PIP4K2A: variants seen among roughly 807,000 people sequenced by gnomAD.
PIP4K2A encodes phosphatidylinositol-5-phosphate 4-kinase type 2 alpha.
A neutral mutation model predicts 42.9 loss-of-function variants in PIP4K2A; 14 were observed. The observed-to-expected ratio is 0.33, with a 90% confidence interval of 0.22 to 0.51. PIP4K2A has a LOEUF of 0.51. PIP4K2A is among the 20% of genes least tolerant of loss of function. The probability of loss-of-function intolerance (pLI) is 0.97; values close to 1 mark genes in which losing one functional copy is unlikely to be tolerated. For missense variants in PIP4K2A, 434 were observed against 519.8 expected (o/e 0.83, Z 1.61); for synonymous variants, 192 against 192.2 (o/e 1.00, Z 0.01).
At chr10:22,665,217 C>T (rs1483663169) in intron 1 of PIP4K2A, among the ~76,000 whole-genome samples, 1 of 152,198 alleles carries the variant, frequency 6.6e-6, no homozygotes, top group South Asian at 2.1e-4. Flanking sequence ...CCAAGGTGCG[C>T]AGCTTGGTTG....
intron 5 of PIP4K2A, among the ~76,000 whole-genome samples, chr10:22,570,586 G>GT (rs1564425146): frequency 6.6e-6 from 1 of 152,204 alleles, no homozygotes; most frequent in Non-Finnish European, 1.5e-5. Context: ...GACTTCAGAG[G>GT]TTAGGAGACA....
At chr10:22,666,951 A>C (rs1375646059) in intron 1 of PIP4K2A, among the ~76,000 whole-genome samples, 1 of 152,246 alleles carries the variant, frequency 6.6e-6, no homozygotes, top group Non-Finnish European at 1.5e-5. Context: ...TAAAAAGGGC[A>C]GGTGAATCTA....
At chr10:22,700,371 T>C (rs1833691256) in intron 1 of PIP4K2A, among the ~76,000 whole-genome samples, 1 of 152,242 alleles carries the variant, frequency 6.6e-6, no homozygotes, top group African/African-American at 2.4e-5. Context: ...GATTCAAATC[T>C]ATAAGGGGAC....
chr10:22,633,765 C>A (rs990140873), intron 1 of PIP4K2A, among the ~76,000 whole-genome samples: 4 of 152,208 alleles, frequency 2.6e-5, no homozygotes, highest in African/African-American at 9.7e-5. Context: ...TAAACACTCG[C>A]ATGTAGTTTT....
chr10:22,698,609 T>C (rs1337945254), intron 1 of PIP4K2A, among the ~76,000 whole-genome samples: 1 of 152,208 alleles, frequency 6.6e-6, no homozygotes, highest in Non-Finnish European at 1.5e-5. Context: ...GGAATAGCAG[T>C]TTTTGCCACT....
chr10:22,573,601 G>A (rs1157464458), intron 4 of PIP4K2A, 144 bp from the exon 5 acceptor site: 23 of 636,762 alleles, frequency 3.6e-5, no homozygotes, highest in Middle Eastern at 7.0e-4. Flanking sequence ...GACCACATTT[G>A]TACTGCTTAC....
At chr10:22,596,698 T>A (rs1837643066) in intron 3 of PIP4K2A, among the ~76,000 whole-genome samples, 1 of 152,232 alleles carries the variant, frequency 6.6e-6, no homozygotes, top group Non-Finnish European at 1.5e-5. Context: ...CATGTATAAA[T>A]AAACCTCAAA....
chr10:22,595,799 G>A (rs900066388), intron 3 of PIP4K2A, among the ~76,000 whole-genome samples: 1 of 152,194 alleles, frequency 6.6e-6, no homozygotes, highest in African/African-American at 2.4e-5. Context: ...CTTGTAGATT[G>A]CATTTAGTCT....
chr10:22,646,933 A>AAAAACAAAAC (rs760225095), intron 1 of PIP4K2A, among the ~76,000 whole-genome samples: 3 of 82,424 alleles, frequency 3.6e-5, no homozygotes, highest in African/African-American at 1.3e-4. Flanking sequence ...AAACAAAACA[A>AAAAACAAAAC]AAAACAAAAC....
chr10:22,629,222 T>C (rs11013071), intron 1 of PIP4K2A, among the ~76,000 whole-genome samples: 9,248 of 152,256 alleles, frequency 0.061, 426 homozygotes, highest in Non-Finnish European at 0.094. Flanking sequence ...ACATACACTA[T>C]TGAAACCTTA....
At chr10:22,681,108 G>A (rs1051954028) in intron 1 of PIP4K2A, among the ~76,000 whole-genome samples, 3 of 152,132 alleles carry the variant, frequency 2.0e-5, no homozygotes, top group Non-Finnish European at 4.4e-5. Flanking sequence ...TACTGCCCCA[G>A]ATTTTTTCTT....
chr10:22,614,516 C>T (rs575442541), intron 1 of PIP4K2A, among the ~76,000 whole-genome samples: 2 of 152,270 alleles, frequency 1.3e-5, no homozygotes, highest in South Asian at 4.1e-4. Flanking sequence ...TCCGGATTCC[C>T]CCCAGAAAAC....
At chr10:22,659,973 C>G (rs1264750202) in intron 1 of PIP4K2A, among the ~76,000 whole-genome samples, 1 of 152,150 alleles carries the variant, frequency 6.6e-6, no homozygotes, top group Non-Finnish European at 1.5e-5. Flanking sequence ...ACTTGTCTTG[C>G]GAAGCAGAGC....
intron 6 of PIP4K2A, among the ~76,000 whole-genome samples, chr10:22,565,680 G>A (rs931216987): frequency 3.3e-5 from 5 of 152,226 alleles, no homozygotes; most frequent in East Asian, 1.9e-4. Context: ...GAATAAGAGA[G>A]ATAACCTTAA....
At chr10:22,709,665 AC>A (rs1833882079) in intron 1 of PIP4K2A, among the ~76,000 whole-genome samples, 1 of 152,212 alleles carries the variant, frequency 6.6e-6, no homozygotes, top group African/African-American at 2.4e-5. Context: ...AAGTTTAGTA[AC>A]TGTAAGTACT....
At chr10:22,667,966 A>C (rs867410038) in intron 1 of PIP4K2A, among the ~76,000 whole-genome samples, 2 of 138,956 alleles carry the variant, frequency 1.4e-5, no homozygotes, top group South Asian at 2.3e-4. Context: ...GACAGACAGA[A>C]AGACAGACAG....
rs112894963 is a variant in PIP4K2A, at chr10:22,686,009, G to A, written c.144+28174C>T. ...TCCTCTCCCTCTCATTCCAATATTCGCCTTAAGTGAGGCAGGGATCGAGTA... is the reference window on the plus strand; with the variant it reads ...TCCTCTCCCTCTCATTCCAATATTCACCTTAAGTGAGGCAGGGATCGAGTA... On this transcript the variant is annotated intron_variant, in intron 1 of 9. Transcript: ENST00000376573. 3.0e-3 allele frequency among the ~76,000 whole-genome samples: 456 copies of A among 152,224 alleles called. 4 individuals carry two copies. Among genetic ancestry groups the A allele is most frequent in the African/African-American group, 0.01 (433 of 41,526 alleles).
chr10:22,679,496 C>T lies in PIP4K2A; in HGVS notation c.144+34687G>A, dbSNP rs558254376. Among the ~76,000 whole-genome samples the T allele has an allele frequency of 4.6e-5, 7 of 152,242 alleles. No homozygotes were observed. In the South Asian group the frequency reaches 1.2e-3, roughly 27 times the overall value. On this transcript the variant is annotated intron_variant, in intron 1 of 9. Transcript: ENST00000376573. ...ATGTAAAATTATACAGTTGCTTTGG[C>T]CATTCCTCAGAAAATTAAACACAGA...
At position 22,541,976 on chromosome 10, in the gene PIP4K2A, C is replaced by T. The variant is rs1303977979; in HGVS notation, c.864G>A (p.Gln288=). Residue 288 remains glutamine (Q), a synonymous_variant, in exon 8 of 10, where the codon CAG becomes CAA. Transcript: ENST00000376573. ...VGIHDVERAE[Q]EEVECEENDG... is the part of the protein sequence containing the mutation. ...CGTTCTCCTCACACTCCACTTCCTC[C>T]TGTTCGGCTCTCTCCACATCATGAA... 2 of 1,614,142 alleles carry T rather than the reference C, an allele frequency of 1.2e-6. No homozygotes were observed. Among genetic ancestry groups the T allele is most frequent in the Non-Finnish European group, 1.7e-6 (2 of 1,180,002 alleles).
Sources: gnomAD v4.1 joint callset for allele counts (sites outside exome capture counted in the v4.1 genomes callset) on GRCh38, gnomAD v4.1.1 for gene constraint, MANE v1.5 for transcripts, NCBI Gene and HGNC (gene_info 2026-07-23, HGNC 2026-07-21) for gene names.